Variants in TRAK1 observed in about 807,000 individuals in gnomAD.
TRAK1 encodes the protein trafficking kinesin protein 1, also known as trafficking kinesin-binding protein 1.
A neutral mutation model predicts 92.1 loss-of-function variants in TRAK1; 33 were observed. The ratio of observed to expected loss-of-function variants is 0.36; its 90% CI spans 0.27 to 0.48. TRAK1 has a LOEUF of 0.48. Ranked by LOEUF, TRAK1 falls within the 20% of genes least tolerant of loss-of-function variation. The pLI, the probability that TRAK1 is intolerant of heterozygous loss-of-function variation, is 0.99. For synonymous variants in TRAK1, 521 were observed against 517.3 expected, an observed-to-expected ratio of 1.01 and a Z score of -0.10; for missense variants, 1,123 against 1,257.9, an observed-to-expected ratio of 0.89 and a Z score of 1.62.
rs550975120 is a variant in TRAK1 at position 42,217,097 on chromosome 3, CTT to C, written c.1964-2378_1964-2377del. 2.9e-3 allele frequency: 431 copies of C among 146,440 alleles called. 1 individual carries two copies. Among genetic ancestry groups the C allele is most frequent in the African/African-American group, 6.1e-3 (200 of 32,610 alleles). 9.1% of individuals were successfully genotyped at this position (146,440 alleles called of 1,614,324 possible). Reference sequence around the variant, plus strand: ...ATGTTTTATGTTTCTCTCTCTCTCTCTTTTTTTTTTTTTTTTTTTTAGAACTT... The same window carrying C: ...ATGTTTTATGTTTCTCTCTCTCTCTCTTTTTTTTTTTTTTTTTTAGAACTT... On this transcript the variant is annotated intron_variant, in intron 14 of 15. Coordinates refer to ENST00000327628, the MANE Select transcript of TRAK1 (RefSeq NM_001042646.3).
At chr3:42,076,581 G>A (rs1216741326) in intron 1 of TRAK1, among the ~76,000 whole-genome samples, 1 of 152,012 alleles carries the variant, frequency 6.6e-6, no homozygotes, top group Non-Finnish European at 1.5e-5. Flanking sequence ...CCATTCTGTG[G>A]GCTCTCTGTT....
chr3:42,191,328 G>A (rs1705699117), intron 6 of TRAK1, among the ~76,000 whole-genome samples: 1 of 152,194 alleles, frequency 6.6e-6, no homozygotes, highest in Non-Finnish European at 1.5e-5. Flanking sequence ...TGTGTGTGGC[G>A]CCCTCTAGTG....
At chr3:42,139,664 T>C (rs1448731428) in intron 2 of TRAK1, among the ~76,000 whole-genome samples, 1 of 152,218 alleles carries the variant, frequency 6.6e-6, no homozygotes, top group East Asian at 1.9e-4. Context: ...TCAAACCCGA[T>C]TCCAATGTTG....
rs377330550 is a variant in TRAK1, at chr3:42,219,335, G to A, written c.1964-159G>A. The A allele has an allele frequency of 3.1e-4, 307 of 985,294 alleles. 4 individuals carry two copies. In the South Asian group the frequency reaches 0.011, roughly 35 times the overall value. The allele number at this position is 985,294 out of a possible 1,614,324, so 61.0% of individuals were successfully genotyped here. A position where few individuals can be genotyped will look rare whatever the true frequency, so the allele number is the denominator to read the frequency against. On this transcript the variant is annotated intron_variant, in intron 14 of 15. Coordinates refer to ENST00000327628, the MANE Select transcript of TRAK1 (RefSeq NM_001042646.3). Reference sequence around the variant, plus strand: ...AAATTGTGGTTATTTTTGAGGACTCGCCTTCAATCCAGAACATTTGCGTTT... The same window carrying A: ...AAATTGTGGTTATTTTTGAGGACTCACCTTCAATCCAGAACATTTGCGTTT...
chr3:42,047,122 A>AT (rs1262922957), intron 1 of TRAK1, among the ~76,000 whole-genome samples: 1 of 151,948 alleles, frequency 6.6e-6, no homozygotes, highest in African/African-American at 2.4e-5. Flanking sequence ...CTAAAAATGC[A>AT]TAGTTATTGT....
intron 1 of TRAK1, among the ~76,000 whole-genome samples, chr3:42,060,784 C>A (rs1703401860): frequency 1.4e-5 from 2 of 145,896 alleles, no homozygotes. Flanking sequence ...CCCGCCACCA[C>A]TCCTGGCTGA....
At chr3:42,055,321 A>G (rs1273221354) in intron 1 of TRAK1, among the ~76,000 whole-genome samples, 1 of 151,560 alleles carries the variant, frequency 6.6e-6, no homozygotes, top group African/African-American at 2.4e-5. Context: ...TCTTTATAAA[A>G]CTCTCTCCCA....
intron 13 of TRAK1, chr3:42,204,204 T>A (rs1708062903): frequency 1.0e-6 from 1 of 985,758 alleles, no homozygotes. Context: ...CTGCCTTACT[T>A]TTCTTTTTTC....
intron 1 of TRAK1, among the ~76,000 whole-genome samples, chr3:42,020,632 A>ACC (rs1346954048): frequency 2.0e-5 from 3 of 152,186 alleles, no homozygotes; most frequent in Non-Finnish European, 4.4e-5. Flanking sequence ...ACTCATTTCT[A>ACC]TCGGGTATAT....
upstream of TRAK1, among the ~76,000 whole-genome samples, chr3:42,088,288 A>C (rs1333752038): frequency 1.3e-5 from 2 of 152,172 alleles, no homozygotes; most frequent in Non-Finnish European, 2.9e-5. Flanking sequence ...ACAGAAAGGC[A>C]CAGAGAAAGC....
chr3:42,045,901 T>C lies in TRAK1; in HGVS notation c.-519+31784T>C, dbSNP rs149324113. Among the ~76,000 whole-genome samples the C allele has an allele frequency of 2.0e-4, 30 of 152,384 alleles. No homozygotes were observed. In the East Asian group the frequency reaches 4.4e-3, roughly 23 times the overall value. On this transcript the variant is annotated intron_variant, in intron 1 of 16. Coordinates refer to the TRAK1 transcript ENST00000487159. The stretch of plus-strand genomic sequence containing the variant: ...TTGAAACACTTTATAATGTGCTTTA[T>C]TCAGAGTTACTGAGTTCTGAATCAG...
chr3:42,142,558 G>A (rs1576588468), intron 2 of TRAK1, among the ~76,000 whole-genome samples: 1 of 152,156 alleles, frequency 6.6e-6, no homozygotes, highest in Non-Finnish European at 1.5e-5. Flanking sequence ...CTTGATACTT[G>A]CTTCCTCCTT....
At chr3:42,054,264 T>G (rs1703102073) in intron 1 of TRAK1, among the ~76,000 whole-genome samples, 1 of 152,224 alleles carries the variant, frequency 6.6e-6, no homozygotes, top group African/African-American at 2.4e-5. Flanking sequence ...AGTGACCTCC[T>G]TCAGCACCCC....
intron 1 of TRAK1, among the ~76,000 whole-genome samples, chr3:42,020,637 G>C (rs1701689296): frequency 6.6e-6 from 1 of 152,120 alleles, no homozygotes; most frequent in African/African-American, 2.4e-5. Flanking sequence ...TTTCTATCGG[G>C]TATATGCTCA....
intron 14 of TRAK1, 138 bp from the exon 15 acceptor site, chr3:42,219,356 C>T (rs755086595): frequency 7.7e-6 from 12 of 1,548,498 alleles, no homozygotes; most frequent in Admixed American, 1.8e-5. Context: ...AGAACATTTG[C>T]GTTTCACCTT....
At position 42,223,600 on chromosome 3, in the gene TRAK1, C is replaced by T. The variant is rs1710564568; in HGVS notation, c.2725C>T (p.Gln909Ter). 6.2e-7 allele frequency: 1 copy of T among 1,613,916 alleles called. No homozygotes were observed. Among genetic ancestry groups the T allele is most frequent in the Non-Finnish European group, 8.5e-7 (1 of 1,180,030 alleles). Residue 909 changes from glutamine (Q) to a stop codon, truncating the protein, a stop_gained, in exon 16 of 16, where the codon CAG becomes TAG. Coordinates refer to ENST00000327628, the MANE Select transcript of TRAK1 (RefSeq NM_001042646.3). LOFTEE classifies it high-confidence loss of function. The surrounding 1 kb of genome is among the most constrained non-coding windows in gnomAD (Gnocchi z 6.1). ...TGTCACCAGTGCCATCGGTGGGCTG[C>T]AGCTCAATAGTGGCATCCGGCGGAA... Reference protein sequence around the residue: ...PTVTSAIGGLQLNSGIRRNRS... With the variant: ...PTVTSAIGGL
chr3:42,029,937 T>A (rs112365214), intron 1 of TRAK1, among the ~76,000 whole-genome samples: 11,219 of 151,440 alleles, frequency 0.074, 480 homozygotes, highest in Middle Eastern at 0.21. Flanking sequence ...GTAGAGAGGG[T>A]TTTGCACTGG....
At chr3:42,100,010 G>C (rs1706517128) in intron 1 of TRAK1, among the ~76,000 whole-genome samples, 1 of 152,126 alleles carries the variant, frequency 6.6e-6, no homozygotes, top group Non-Finnish European at 1.5e-5. Context: ...AGCAACAGGA[G>C]ACAGGTTTTT....
rs539807557 is a variant in TRAK1, at chr3:42,096,777, C to A, written c.91+5217C>A. ...GGCTACTCAAGGGTCCAAGACAGAA[C>A]CACTGCAGCAGCCCCCATTGATGGG... On this transcript the variant is annotated intron_variant, in intron 1 of 15. Coordinates refer to ENST00000327628, the MANE Select transcript of TRAK1 (RefSeq NM_001042646.3). 6.2e-4 allele frequency among the ~76,000 whole-genome samples: 94 copies of A among 152,324 alleles called. 1 individual carries two copies. The South Asian group carries it at 0.019, about 30-fold the overall frequency.
Sources: gnomAD v4.1 joint callset for allele counts (sites outside exome capture counted in the v4.1 genomes callset) on GRCh38, gnomAD v4.1.1 for gene constraint, Gnocchi (gnomAD v3.1) non-coding constraint, MANE v1.5 for transcripts, NCBI Gene and HGNC (gene_info 2026-07-23, HGNC 2026-07-21) for gene names.